Variants in NTNG1 observed in about 807,000 individuals in gnomAD.
NTNG1 encodes the protein netrin G1, also known as netrin-G1.
In NTNG1, 16 loss-of-function variants were observed where a neutral mutation model predicts 54.0. That is an observed-to-expected ratio of 0.30 (90% confidence interval 0.20 to 0.45). The LOEUF (loss-of-function observed/expected upper bound fraction) is 0.45, where lower values mean the gene tolerates loss of function less well. Among genes scored for constraint, NTNG1 ranks in the 20% least tolerant of loss-of-function variants. The pLI is 1.00. For synonymous variants in NTNG1, 255 were observed against 263.1 expected, an observed-to-expected ratio of 0.97 and a Z score of 0.30; for missense variants, 530 against 678.7, an observed-to-expected ratio of 0.78 and a Z score of 2.43.
At chr1:107,258,367 G>A (rs749800483) in intron 2 of NTNG1, among the ~76,000 whole-genome samples, 66 of 150,716 alleles carry the variant, frequency 4.4e-4, no homozygotes, top group Non-Finnish European at 7.5e-4. Context: ...GAATTAAAGC[G>A]TGTTACTTTA....
At chr1:107,209,891 CTTT>C (rs10716155) in intron 2 of NTNG1, among the ~76,000 whole-genome samples, 7,260 of 150,424 alleles carry the variant, frequency 0.048, 183 homozygotes, top group African/African-American at 0.061. Flanking sequence ...ATACAGACTT[CTTT>C]TTTTTTTTTT....
intron 7 of NTNG1, among the ~76,000 whole-genome samples, chr1:107,444,239 C>T (rs1676167923): frequency 1.3e-5 from 2 of 152,008 alleles, no homozygotes; most frequent in Admixed American, 6.6e-5. Context: ...TGTAAAAAGC[C>T]CATAGACCTC....
At chr1:107,479,216 C>T (rs545910782) in intron 7 of NTNG1, among the ~76,000 whole-genome samples, 16 of 152,202 alleles carry the variant, frequency 1.1e-4, no homozygotes, top group Non-Finnish European at 1.9e-4. Context: ...CTGTTATTAA[C>T]CATGTGGGTA....
intron 4 of NTNG1, among the ~76,000 whole-genome samples, chr1:107,406,603 C>A (rs1044826337): frequency 2.2e-4 from 34 of 152,190 alleles, no homozygotes; most frequent in Middle Eastern, 3.4e-3. Context: ...GCTCTCCTAC[C>A]CAAATTAGTG....
At chr1:107,288,603 A>C (rs1665369544) in intron 2 of NTNG1, among the ~76,000 whole-genome samples, 1 of 152,172 alleles carries the variant, frequency 6.6e-6, no homozygotes, top group Admixed American at 6.6e-5. Context: ...GGGAGTAAGG[A>C]AAGGTGGTAT....
intron 2 of NTNG1, among the ~76,000 whole-genome samples, chr1:107,185,787 A>G (rs551252573): frequency 2.8e-4 from 43 of 152,274 alleles, no homozygotes; most frequent in African/African-American, 1.0e-3. Flanking sequence ...GTGGAGCAAT[A>G]TGCGGCCTGT....
At chr1:107,237,947 A>C (rs1570929717) in intron 2 of NTNG1, among the ~76,000 whole-genome samples, 1 of 152,136 alleles carries the variant, frequency 6.6e-6, no homozygotes, top group East Asian at 1.9e-4. Context: ...GAGAGTGCCT[A>C]CTGGGGCACC....
intron 2 of NTNG1, among the ~76,000 whole-genome samples, chr1:107,244,931 C>T (rs556779027): frequency 5.3e-5 from 8 of 152,288 alleles, no homozygotes; most frequent in African/African-American, 1.4e-4. Context: ...CTGGTGTCAG[C>T]GCAGTTCACT....
chr1:107,153,056 T>C (rs1394572023), intron 2 of NTNG1, among the ~76,000 whole-genome samples: 2 of 152,220 alleles, frequency 1.3e-5, no homozygotes, highest in African/African-American at 4.8e-5. Flanking sequence ...TATTTCTAGA[T>C]AGACTTCTAT....
In NTNG1 at chr1:107,451,530, G is replaced by T. The variant is rs542702908; in HGVS notation, c.1390+14731G>T. Among the ~76,000 whole-genome samples, 5 of 152,232 alleles carry T rather than the reference G, an allele frequency of 3.3e-5. No individual in the cohort carries two copies. In the South Asian group the frequency reaches 1.0e-3, roughly 32 times the overall value. On this transcript the variant is annotated intron_variant, in intron 7 of 7. Transcript: ENST00000370068. ...ACACTGCATGGACTCATTGTCAGGG[G>T]TCAGCCATCTTGGTTTCGTCTGCAT... is the stretch of plus-strand genomic sequence containing the variant.
At chr1:107,276,383 C>T (rs1305286732) in intron 2 of NTNG1, among the ~76,000 whole-genome samples, 1 of 152,130 alleles carries the variant, frequency 6.6e-6, no homozygotes, top group African/African-American at 2.4e-5. Flanking sequence ...CTGTTCACCA[C>T]TGCTCACATA....
At chr1:107,176,215 A>G (rs934606916) in intron 2 of NTNG1, among the ~76,000 whole-genome samples, 3 of 152,172 alleles carry the variant, frequency 2.0e-5, no homozygotes, top group Non-Finnish European at 2.9e-5. Flanking sequence ...GGAGAGTTAA[A>G]TGTTTTCCCA....
intron 2 of NTNG1, among the ~76,000 whole-genome samples, chr1:107,309,107 T>C (rs1666857483): frequency 6.6e-6 from 1 of 152,206 alleles, no homozygotes; most frequent in South Asian, 2.1e-4. Flanking sequence ...TAATTAAAGC[T>C]AAATTCCTAA....
Position 107,483,525 on chromosome 1 carries a change from T to G in NTNG1, c.*2685T>G, listed in dbSNP as rs185478993. The stretch of plus-strand genomic sequence containing the variant: ...TCTCAAGTTCTTCTAAAGGAGCTAC[T>G]CCTCTGAGGAAACCTCAACTCAGTG... On this transcript the variant is annotated 3_prime_UTR_variant, in exon 8 of 8. Transcript: ENST00000370068. The G allele has an allele frequency of 3.4e-4, 52 of 152,344 alleles. No individual in the cohort carries two copies. The highest frequency in any genetic ancestry group is 1.0e-3 in the African/African-American group (43 of 41,586). The allele number at this position is 152,344 out of a possible 1,614,324, so 9.4% of individuals were successfully genotyped here.
chr1:107,412,179 C>A (rs949408022), intron 5 of NTNG1, among the ~76,000 whole-genome samples: 1 of 145,954 alleles, frequency 6.9e-6, no homozygotes, highest in Non-Finnish European at 1.5e-5. Context: ...GTAGCTTAAG[C>A]AAAAACTTGC....
At position 107,385,634 on chromosome 1, in the gene NTNG1, C is replaced by A. The variant is rs143515064; in HGVS notation, c.888-9520C>A. The stretch of plus-strand genomic sequence containing the variant: ...ATTATATATCAGTTACCAGTCTTGG[C>A]CTCATTGTGTCATATCATTTAATGC... On this transcript the variant is annotated intron_variant, in intron 3 of 7. Transcript: ENST00000370068. Among the ~76,000 whole-genome samples, 541 of 151,596 alleles carry A rather than the reference C, an allele frequency of 3.6e-3. 1 individual carries two copies. Among genetic ancestry groups the A allele is most frequent in the Middle Eastern group, 0.014 (4 of 290 alleles).
chr1:107,436,450 T>C (rs1675600719), intron 6 of NTNG1, among the ~76,000 whole-genome samples: 2 of 152,218 alleles, frequency 1.3e-5, no homozygotes, highest in African/African-American at 4.8e-5. Flanking sequence ...CCTTGGAAGT[T>C]TTCAGTTGAT....
chr1:107,436,931 C>A, intron 7 of NTNG1, 132 bp downstream of exon 7: 1 of 782,036 alleles, frequency 1.3e-6, no homozygotes, highest in Non-Finnish European at 1.9e-6. Flanking sequence ...CTACTTAATG[C>A]TGCGGCCAAT....
intron 3 of NTNG1, among the ~76,000 whole-genome samples, chr1:107,338,449 G>A (rs1668712036): frequency 6.6e-6 from 1 of 151,948 alleles, no homozygotes; most frequent in Non-Finnish European, 1.5e-5. Context: ...TAGGTCTGCT[G>A]CTGCAAGCCT....
Sources: allele counts gnomAD v4.1 joint callset (sites outside exome capture counted in the v4.1 genomes callset), GRCh38; gene constraint gnomAD v4.1.1; transcripts MANE v1.5; gene names NCBI Gene and HGNC (gene_info 2026-07-23, HGNC 2026-07-21).